FA2H: variants seen among roughly 807,000 people sequenced by gnomAD.
FA2H encodes the protein fatty acid 2-hydroxylase, also known as fatty acid alpha-hydroxylase.
A neutral mutation model predicts 44.9 loss-of-function variants in FA2H; 22 were observed. The observed-to-expected ratio is 0.49, with a 90% CI of 0.35 to 0.70. The LOEUF (loss-of-function observed/expected upper bound fraction) is 0.70, where lower values mean the gene tolerates loss of function less well. Among genes scored for constraint, FA2H ranks in the 30% least tolerant of loss-of-function variants. FA2H has a pLI of 0.01. For missense variants in FA2H, 501 were observed against 504.9 expected (o/e 0.99, Z 0.07); for synonymous variants, 243 against 213.2 (o/e 1.14, Z -1.22).
intron 1 of FA2H, among the ~76,000 whole-genome samples, chr16:74,758,000 T>C (rs547902678): frequency 5.3e-5 from 8 of 151,918 alleles, no homozygotes; most frequent in East Asian, 3.9e-4. Flanking sequence ...GTCTGGGTGA[T>C]AGAGTGAGAG....
chr16:74,733,554 C>T (rs1172935192), intron 2 of FA2H, among the ~76,000 whole-genome samples: 1 of 152,172 alleles, frequency 6.6e-6, no homozygotes, highest in Admixed American at 6.5e-5. Flanking sequence ...GGTGTCCTTT[C>T]TTAATCATCT....
In FA2H at chr16:74,730,336, GC is replaced by G. The variant is rs541115732; in HGVS notation, c.364-2951del. Reference sequence around the variant, plus strand: ...GTGGGGGTTGGGGGGTTCACTTCCTGCTTCTCAGGCTGGAAGATGATCCAAG... The same window carrying G: ...GTGGGGGTTGGGGGGTTCACTTCCTGTTCTCAGGCTGGAAGATGATCCAAG... On this transcript the variant is annotated intron_variant, in intron 2 of 6. Coordinates refer to ENST00000219368, the MANE Select transcript of FA2H (RefSeq NM_024306.5). Among the ~76,000 whole-genome samples, 1,002 of 152,274 alleles carry G rather than the reference GC, an allele frequency of 6.6e-3. 8 individuals are homozygous for G. Among genetic ancestry groups the G allele is most frequent in the Non-Finnish European group, 8.9e-3 (608 of 68,018 alleles).
intron 2 of FA2H, among the ~76,000 whole-genome samples, chr16:74,736,711 G>A: frequency 6.6e-6 from 1 of 152,210 alleles, no homozygotes; most frequent in Non-Finnish European, 1.5e-5. Context: ...GAAGGATGGG[G>A]AAGAGGATGT....
chr16:74,754,172 G>C (rs1962575868), intron 1 of FA2H, among the ~76,000 whole-genome samples: 1 of 152,220 alleles, frequency 6.6e-6, no homozygotes, highest in African/African-American at 2.4e-5. Flanking sequence ...AAGGTGAGTG[G>C]ATCACTTGAG....
chr16:74,716,223 G>A (rs1472577548), intron 6 of FA2H, 124 bp downstream of exon 6: 3 of 1,112,874 alleles, frequency 2.7e-6, no homozygotes, highest in Non-Finnish European at 3.9e-6. Context: ...AGAGAGTAGA[G>A]GGAACCCTCT....
chr16:74,771,332 A>C (rs1962901979), intron 1 of FA2H, among the ~76,000 whole-genome samples: 1 of 152,032 alleles, frequency 6.6e-6, no homozygotes, highest in Admixed American at 6.6e-5. Flanking sequence ...CTGGGATTAC[A>C]GGCATGCACC....
chr16:74,734,805 C>G (rs1292286441), intron 2 of FA2H, among the ~76,000 whole-genome samples: 1 of 152,192 alleles, frequency 6.6e-6, no homozygotes, highest in African/African-American at 2.4e-5. Flanking sequence ...TGAGCGGGGG[C>G]AGGCGGCGGG....
At chr16:74,724,582 T>C (rs1459985530) in intron 4 of FA2H, among the ~76,000 whole-genome samples, 3 of 152,214 alleles carry the variant, frequency 2.0e-5, no homozygotes, top group Non-Finnish European at 2.9e-5. Flanking sequence ...TGCCTTGCTT[T>C]GTGGGCTCTT....
intron 2 of FA2H, among the ~76,000 whole-genome samples, chr16:74,728,780 CTTTTTTTTTTT>C (rs935652907): frequency 3.5e-5 from 4 of 113,966 alleles, no homozygotes; most frequent in African/African-American, 1.5e-4. Flanking sequence ...TTATCTCTTT[CTTTTTTTTTTT>C]TTTTTTTTTT....
chr16:74,724,419 T>C (rs1016342275), intron 4 of FA2H, among the ~76,000 whole-genome samples: 3 of 152,218 alleles, frequency 2.0e-5, no homozygotes, highest in African/African-American at 7.2e-5. Flanking sequence ...CCTCAGCTTT[T>C]GAAAGCATTT....
intron 4 of FA2H, among the ~76,000 whole-genome samples, chr16:74,722,325 C>T (rs1398094406): frequency 6.6e-6 from 1 of 152,056 alleles, no homozygotes; most frequent in Non-Finnish European, 1.5e-5. Context: ...CGTTTGAGCC[C>T]AGGAGTTTGA....
chr16:74,741,322 G>A (rs1164554851), intron 1 of FA2H: 3 of 152,184 alleles, frequency 2.0e-5, no homozygotes, highest in Admixed American at 1.3e-4. Context: ...GTTTCCAAAC[G>A]GACCCAAGAG....
intron 1 of FA2H, among the ~76,000 whole-genome samples, chr16:74,742,106 A>C (rs1436288890): frequency 6.6e-6 from 1 of 152,028 alleles, no homozygotes; most frequent in Non-Finnish European, 1.5e-5. Context: ...CACGCCTAGC[A>C]CGGGTCTTGC....
At chr16:74,732,260 C>T (rs1040544067) in intron 2 of FA2H, among the ~76,000 whole-genome samples, 3 of 152,172 alleles carry the variant, frequency 2.0e-5, no homozygotes, top group Non-Finnish European at 4.4e-5. Context: ...TTCACTTGTG[C>T]ACTTTACACA....
chr16:74,753,598 A>G lies in FA2H; in HGVS notation c.271-13483T>C, dbSNP rs192636141. 9.2e-5 allele frequency among the ~76,000 whole-genome samples: 14 copies of G among 152,218 alleles called. No homozygotes were observed. In the East Asian group the frequency reaches 2.1e-3, roughly 23 times the overall value. On this transcript the variant is annotated intron_variant, in intron 1 of 6. Transcript: ENST00000219368. ...TGAGGTGGGAGAATCGCTTGAACCC[A>G]GGAGTTGGAGGTTGCAGTGAGCTAA... is the stretch of plus-strand genomic sequence containing the variant.
intron 4 of FA2H, among the ~76,000 whole-genome samples, chr16:74,724,846 C>A (rs1296603878): frequency 6.6e-6 from 1 of 152,212 alleles, no homozygotes; most frequent in Non-Finnish European, 1.5e-5. Context: ...CGCCCCCTCA[C>A]CCCAGCATCA....
chr16:74,754,814 C>G (rs1962586191), intron 1 of FA2H, among the ~76,000 whole-genome samples: 1 of 151,810 alleles, frequency 6.6e-6, no homozygotes, highest in Non-Finnish European at 1.5e-5. Context: ...ATGCCTGAGC[C>G]ACCACCCCTG....
At chr16:74,765,294 T>A (rs1962789788) in intron 1 of FA2H, among the ~76,000 whole-genome samples, 1 of 151,974 alleles carries the variant, frequency 6.6e-6, no homozygotes, top group Admixed American at 6.6e-5. Context: ...GTAGCTGGGA[T>A]TATAGGCATG....
chr16:74,767,267 C>T (rs1421458235), intron 1 of FA2H, among the ~76,000 whole-genome samples: 1 of 152,018 alleles, frequency 6.6e-6, no homozygotes, highest in Admixed American at 6.6e-5. Flanking sequence ...CGAGATTGTG[C>T]CATTGCACTC....
Sources: gnomAD v4.1 joint callset for allele counts (sites outside exome capture counted in the v4.1 genomes callset) on GRCh38, gnomAD v4.1.1 for gene constraint, MANE v1.5 for transcripts, NCBI Gene and HGNC (gene_info 2026-07-23, HGNC 2026-07-21) for gene names.